The following AGMAT variants were observed in gnomAD, a reference collection of about 807,000 sequenced individuals.
AGMAT encodes agmatinase (putative).
A neutral mutation model predicts 29.3 loss-of-function variants in AGMAT; 37 were observed. That is an observed-to-expected ratio of 1.26 (90% confidence interval 0.97 to 1.66). AGMAT has a LOEUF of 1.66. Among genes scored for constraint, AGMAT ranks in the 40% most tolerant of loss-of-function variants. AGMAT has a pLI of 0.00. For synonymous variants in AGMAT, 199 were observed against 200.8 expected, an observed-to-expected ratio of 0.99 and a Z score of 0.08; for missense variants, 498 against 497.8, an observed-to-expected ratio of 1.00 and a Z score of 0.00.
Position 15,583,368 on chromosome 1 carries a change from T to C in AGMAT, c.300A>G (p.Glu100=). The stretch of plus-strand genomic sequence containing the variant: ...GATTGACTGTCCCAAGCATCACTGA[T>C]TCTTCCCGGATGCGGCGAGGTCCGA... ...ARFGPRRIRE[E]SVMLGTVNPS... is the part of the protein sequence containing the mutation. The change falls in exon 2 of 7, where the codon GAA becomes GAG. Residue 100 remains glutamate, a synonymous_variant. Transcript: ENST00000375826. 1 of 1,614,034 alleles carries C rather than the reference T, an allele frequency of 6.2e-7. No individual in the cohort carries two copies. Among genetic ancestry groups the C allele is most frequent in the Non-Finnish European group, 8.5e-7 (1 of 1,180,010 alleles).
chr1:15,582,723 C>A (rs973166288), intron 2 of AGMAT, among the ~76,000 whole-genome samples: 2 of 152,206 alleles, frequency 1.3e-5, no homozygotes, highest in East Asian at 3.9e-4. Context: ...CTTGGCCAGG[C>A]GCGGTGGCTC....
chr1:15,574,340 A>G (rs1325733358), intron 6 of AGMAT, among the ~76,000 whole-genome samples: 1 of 150,098 alleles, frequency 6.7e-6, no homozygotes, highest in Non-Finnish European at 1.5e-5. Flanking sequence ...ACCATTGGAC[A>G]TGCTCAGCTG....
chr1:15,583,225 A>G lies in AGMAT; in HGVS notation c.443T>C (p.Ile148Thr). Reference sequence around the variant, plus strand: ...CAGAGGAATACAGCCAGCTGCTACAATTTTCTCATAGGCCTCTTGAATTCG... The same window carrying G: ...CAGAGGAATACAGCCAGCTGCTACAGTTTTCTCATAGGCCTCTTGAATTCG... ...CRRIQEAYEK[I>T]VAAGCIPLTL... The change falls in exon 2 of 7, where the codon ATT becomes ACT. Residue 148 changes from isoleucine (I) to threonine (T), a missense_variant. Coordinates refer to ENST00000375826, the MANE Select transcript of AGMAT (RefSeq NM_024758.5). 6.2e-7 allele frequency: 1 copy of G among 1,614,002 alleles called. No homozygotes were observed. The highest frequency in any genetic ancestry group is 8.5e-7 in the Non-Finnish European group (1 of 1,180,018).
rs538430522 is a variant in AGMAT at position 15,580,074 on chromosome 1, C to T, written c.524+20G>A. The T allele has an allele frequency of 1.2e-6, 2 of 1,612,286 alleles. No homozygotes were observed. The highest frequency in any genetic ancestry group is 1.1e-5 in the South Asian group (1 of 91,016). ...TCTGGCTTTTGAAATCTTGCTGGGCCCAAGCCATTTGAGACTTACTTTTTT... is the reference window on the plus strand; with the variant it reads ...TCTGGCTTTTGAAATCTTGCTGGGCTCAAGCCATTTGAGACTTACTTTTTT... On this transcript the variant is annotated intron_variant, in intron 3 of 6. Coordinates refer to ENST00000375826, the MANE Select transcript of AGMAT (RefSeq NM_024758.5).
At chr1:15,578,590 C>T (rs986279848) in intron 4 of AGMAT, among the ~76,000 whole-genome samples, 3 of 151,750 alleles carry the variant, frequency 2.0e-5, no homozygotes, top group African/African-American at 4.8e-5. Context: ...CCACTGTGCC[C>T]GGCCTCCTCC....
intron 5 of AGMAT, among the ~76,000 whole-genome samples, chr1:15,576,882 T>G (rs1639047558): frequency 6.6e-6 from 1 of 151,200 alleles, no homozygotes; most frequent in Non-Finnish European, 1.5e-5. Context: ...CCTGAGTAGC[T>G]GAGATTACAG....
chr1:15,579,029 C>T lies in AGMAT; in HGVS notation c.550G>A (p.Val184Met), dbSNP rs764996093. Residue 184 changes from valine to methionine, a missense_variant, in exon 4 of 7, where the codon GTG becomes ATG. By Grantham distance (21) the Val-to-Met change is conservative. Coordinates refer to ENST00000375826, the MANE Select transcript of AGMAT (RefSeq NM_024758.5). ...KKHGPVGLLH[V>M]DAHTDTTDKA... Reference sequence around the variant, plus strand: ...TCGGTCGTGTCCGTGTGCGCATCCACGTGCAGCAGCCCCACTGGGCCATGC... The same window carrying T: ...TCGGTCGTGTCCGTGTGCGCATCCATGTGCAGCAGCCCCACTGGGCCATGC... The T allele has an allele frequency of 1.3e-5, 21 of 1,614,048 alleles. No individual in the cohort carries two copies. The highest frequency in any genetic ancestry group is 1.6e-5 in the Non-Finnish European group (19 of 1,180,008).
chr1:15,577,895 G>C (rs1639061487), intron 4 of AGMAT, 31 bp from the exon 5 acceptor site: 1 of 1,602,836 alleles, frequency 6.2e-7, no homozygotes, highest in East Asian at 2.2e-5. Flanking sequence ...GTTTCTGTCT[G>C]GCAGCATTTA....
At chr1:15,574,000 G>A (rs1638997021) in intron 6 of AGMAT, among the ~76,000 whole-genome samples, 1 of 152,192 alleles carries the variant, frequency 6.6e-6, no homozygotes, top group Non-Finnish European at 1.5e-5. Context: ...GATGTGTACT[G>A]TATTATCTAT....
chr1:15,579,011 T>A lies in AGMAT; in HGVS notation c.568A>T (p.Thr190Ser), dbSNP rs141271484. 6.2e-7 allele frequency: 1 copy of A among 1,614,106 alleles called. No individual in the cohort carries two copies. Residue 190 changes from threonine (T) to serine (S), a missense_variant, in exon 4 of 7, where the codon ACG becomes TCG. Coordinates refer to ENST00000375826, the MANE Select transcript of AGMAT (RefSeq NM_024758.5). ...TTCTCTCCTAGGGCCTTGTCGGTCGTGTCCGTGTGCGCATCCACGTGCAGC... is the reference window on the plus strand; with the variant it reads ...TTCTCTCCTAGGGCCTTGTCGGTCGAGTCCGTGTGCGCATCCACGTGCAGC... Reference protein sequence around the residue: ...GLLHVDAHTDTTDKALGEKLY... With the variant: ...GLLHVDAHTDSTDKALGEKLY...
intron 2 of AGMAT, among the ~76,000 whole-genome samples, chr1:15,582,485 CTCCCACTATGCCA>C (rs1305322078): frequency 6.6e-6 from 1 of 152,124 alleles, no homozygotes; most frequent in Non-Finnish European, 1.5e-5. Context: ...AACCACACTC[CTCCCACTATGCCA>C]TGCAGGCTAG....
intron 5 of AGMAT, 35 bp downstream of exon 5, chr1:15,577,650 C>A (rs1243332154): frequency 1.9e-6 from 3 of 1,575,588 alleles, no homozygotes; most frequent in South Asian, 1.1e-5. Flanking sequence ...TAAGTGTCTC[C>A]ACCCCCAGGA....
intron 2 of AGMAT, among the ~76,000 whole-genome samples, chr1:15,581,362 TAAAA>T (rs1420505814): frequency 6.6e-6 from 1 of 151,748 alleles, no homozygotes; most frequent in African/African-American, 2.4e-5. Flanking sequence ...AATAAATAAA[TAAAA>T]GAGGAAATTA....
Position 15,584,923 on chromosome 1 carries a change from G to A in AGMAT, c.45C>T (p.Pro15=), listed in dbSNP as rs140564717. Residue 15 remains proline, a synonymous_variant, in exon 1 of 7, where the codon CCC becomes CCT. Transcript: ENST00000375826. ...LASGCARGPG[P]GVGARPAAGL... is the part of the protein sequence containing the mutation. ...CTGCGGCAGGACGCGCGCCCACGCC[G>A]GGCCCCGGGCCCCGGGCGCACCCGG... 27,480 of 1,369,978 alleles carry A rather than the reference G, an allele frequency of 0.02. 325 individuals carry two copies. Among genetic ancestry groups the A allele is most frequent in the South Asian group, 0.026 (1,463 of 57,366 alleles). 84.9% of individuals were successfully genotyped at this position (1,369,978 alleles called of 1,614,324 possible). A position where few individuals can be genotyped will look rare whatever the true frequency, so the allele number is the denominator to read the frequency against.
chr1:15,578,494 C>A (rs1444124600), intron 4 of AGMAT, among the ~76,000 whole-genome samples: 1 of 152,022 alleles, frequency 6.6e-6, no homozygotes, highest in African/African-American at 2.4e-5. Flanking sequence ...GGGGTTTCAC[C>A]ATGTTGGCCA....
rs59203066 is a variant in AGMAT at position 15,576,740 on chromosome 1, C to CTTTTTTTTTT, written c.900+935_900+944dup. Among the ~76,000 whole-genome samples the CTTTTTTTTTT allele has an allele frequency of 1.7e-3, 62 of 35,790 alleles. 10 individuals carry two copies. The highest frequency in any genetic ancestry group is 2.9e-3 in the African/African-American group (30 of 10,344). The allele number at this position is 35,790 out of a possible 152,430, so 23.5% of individuals were successfully genotyped here. Reference sequence around the variant, plus strand: ...ACGACACCTGGCCAAGTTTAGTGTTCTTTTTTTTTTTTTTTTTTTTTTTTT... The same window carrying CTTTTTTTTTT: ...ACGACACCTGGCCAAGTTTAGTGTTCTTTTTTTTTTTTTTTTTTTTTTTTTTTTTTTTTTT... On this transcript the variant is annotated intron_variant, in intron 5 of 6. Coordinates refer to ENST00000375826, the MANE Select transcript of AGMAT (RefSeq NM_024758.5).
chr1:15,582,188 C>T (rs1025004140), intron 2 of AGMAT, among the ~76,000 whole-genome samples: 1 of 151,752 alleles, frequency 6.6e-6, no homozygotes, highest in African/African-American at 2.4e-5. Flanking sequence ...ATTGCTTGAA[C>T]CCGGGAGGCG....
rs1006180669 is a variant in AGMAT, at chr1:15,585,016, C to T, written c.-49G>A. The T allele has an allele frequency of 7.8e-7, 1 of 1,280,848 alleles. No homozygotes were observed. The highest frequency in any genetic ancestry group is 2.6e-5 in the South Asian group (1 of 38,684). The allele number at this position is 1,280,848 out of a possible 1,614,324, so 79.3% of individuals were successfully genotyped here. A position where few individuals can be genotyped will look rare whatever the true frequency, so the allele number is the denominator to read the frequency against. ...CCGACCAAACCGCCCGCGAGGCCGC[C>T]GCGATCTGGCTGGTCCCGAACGGCG... On this transcript the variant is annotated 5_prime_UTR_variant, in exon 1 of 7. Coordinates refer to ENST00000375826, the MANE Select transcript of AGMAT (RefSeq NM_024758.5).
chr1:15,576,687 C>T (rs977846386), intron 5 of AGMAT, among the ~76,000 whole-genome samples: 1 of 147,718 alleles, frequency 6.8e-6, no homozygotes, highest in Admixed American at 7.0e-5. Context: ...CTCGGCCTCC[C>T]AGAGTGCTGG....
Sources: gnomAD v4.1 joint callset for allele counts (sites outside exome capture counted in the v4.1 genomes callset) on GRCh38, gnomAD v4.1.1 for gene constraint, MANE v1.5 for transcripts, NCBI Gene and HGNC (gene_info 2026-07-23, HGNC 2026-07-21) for gene names.